Variants in ANKRD54 observed in about 807,000 individuals in gnomAD.
The protein encoded by ANKRD54 is ankyrin repeat domain-containing protein 54.
ANKRD54 carries 26 observed loss-of-function variants against 36.2 expected under a neutral mutation model. That is an observed-to-expected ratio of 0.72 (90% CI 0.53 to 1.00). ANKRD54 has a LOEUF of 1.00. Ranked by LOEUF, ANKRD54 falls within the 50% of genes least tolerant of loss-of-function variation. The pLI, the probability that ANKRD54 is intolerant of heterozygous loss-of-function variation, is 0.00. For synonymous variants in ANKRD54, 209 were observed against 188.4 expected, an observed-to-expected ratio of 1.11 and a Z score of -0.89; for missense variants, 384 against 424.3, an observed-to-expected ratio of 0.91 and a Z score of 0.83.
upstream of ANKRD54, among the ~76,000 whole-genome samples, chr22:37,845,344 T>C (rs1342549500): frequency 2.0e-5 from 3 of 152,138 alleles, no homozygotes; most frequent in Non-Finnish European, 2.9e-5. Flanking sequence ...AGGAAACAAA[T>C]AAGTGTTCCT....
rs550544171 is a variant in ANKRD54, at chr22:37,843,892, C to A, written c.328+19G>T. 1.4e-5 allele frequency: 17 copies of A among 1,214,210 alleles called. No individual in the cohort carries two copies. The South Asian group carries it at 3.4e-4, about 25-fold the overall frequency. 75.2% of individuals were successfully genotyped at this position (1,214,210 alleles called of 1,614,324 possible). ...CGGGCTGCCCCGCCCCGGGCCCCCG[C>A]GCCGCTCGCGCCGCTCACCGTGCAC... On this transcript the variant is annotated intron_variant, in intron 1 of 7. Coordinates refer to ENST00000215941, the MANE Select transcript of ANKRD54 (RefSeq NM_138797.4).
chr22:37,844,819 C>T (rs562217570), upstream of ANKRD54, among the ~76,000 whole-genome samples: 7 of 152,174 alleles, frequency 4.6e-5, no homozygotes, highest in South Asian at 6.2e-4. Flanking sequence ...GTGCCGGCCT[C>T]GGCCTCCCAA....
chr22:37,834,502 C>T (rs1046740731), intron 3 of ANKRD54: 2 of 151,558 alleles, frequency 1.3e-5, no homozygotes, highest in African/African-American at 4.9e-5. Context: ...CAAGACCAGC[C>T]TGGGCAACAT....
In ANKRD54 at chr22:37,831,758, T is replaced by C. The variant is rs1922904865; in HGVS notation, c.*185A>G. The C allele has an allele frequency of 1.7e-6, 1 of 592,184 alleles. No homozygotes were observed. Among genetic ancestry groups the C allele is most frequent in the Non-Finnish European group, 3.0e-6 (1 of 334,210 alleles). The allele number at this position is 592,184 out of a possible 1,614,324, so 36.7% of individuals were successfully genotyped here. A position where few individuals can be genotyped will look rare whatever the true frequency, so the allele number is the denominator to read the frequency against. On this transcript the variant is annotated 3_prime_UTR_variant, in exon 8 of 8. Coordinates refer to ENST00000215941, the MANE Select transcript of ANKRD54 (RefSeq NM_138797.4). ...CCCTGTCCACAGAGATGCTGGAAAC[T>C]GTGGCTGGGAGTGGCTCTGAGGCCG...
At position 37,838,051 on chromosome 22, in the gene ANKRD54, C is replaced by T. The variant is rs138107225; in HGVS notation, c.475+449G>A. ...TTGGGAGGCTGAGGCAGGAGAATGG[C>T]GTGAACCCGGGAGGCAGAGCTTACA... On this transcript the variant is annotated intron_variant, in intron 3 of 7. Transcript: ENST00000215941. 6.0e-3 allele frequency among the ~76,000 whole-genome samples: 906 copies of T among 151,912 alleles called. 6 individuals are homozygous for T. The highest frequency in any genetic ancestry group is 0.021 in the African/African-American group (871 of 41,438).
rs1569103880 is a variant in ANKRD54, at chr22:37,843,915, C to T, written c.324G>A (p.Val108=). The stretch of plus-strand genomic sequence containing the variant: ...CGCGCCGCTCGCGCCGCTCACCGTG[C>T]ACCTCCTTGCCCGTGGGCCCGAGCC... ...HRRLGPTGKE[V]HALKRLRDSA... is the part of the protein sequence containing the mutation. Residue 108 remains valine, a synonymous_variant, in exon 1 of 8, where the codon GTG becomes GTA. Transcript: ENST00000215941. 21 of 1,296,958 alleles carry T rather than the reference C, an allele frequency of 1.6e-5. No individual in the cohort carries two copies. The highest frequency in any genetic ancestry group is 2.0e-5 in the Non-Finnish European group (21 of 1,026,628). The allele number at this position is 1,296,958 out of a possible 1,614,324, so 80.3% of individuals were successfully genotyped here.
chr22:37,844,162 G>C lies in ANKRD54; in HGVS notation c.77C>G (p.Ala26Gly). The C allele has an allele frequency of 2.0e-6, 3 of 1,499,284 alleles. No homozygotes were observed. Among genetic ancestry groups the C allele is most frequent in the Non-Finnish European group, 1.8e-6 (2 of 1,131,634 alleles). The allele number at this position is 1,499,284 out of a possible 1,614,324, so 92.9% of individuals were successfully genotyped here. Residue 26 changes from alanine (A) to glycine (G), a missense_variant, in exon 1 of 8, where the codon GCG (alanine) becomes GGG (glycine). By Grantham distance (60) the Ala-to-Gly change is moderately conservative. Around this residue, in one of 3 missense-constraint regions of ANKRD54, gnomAD observed 195 missense variants for 177.7 expected, o/e 1.10. Coordinates refer to ENST00000215941, the MANE Select transcript of ANKRD54 (RefSeq NM_138797.4). ...HSSSEGECAV[A>G]PEPLTDAEGL... Reference sequence around the variant, plus strand: ...CTCAGCGTCAGTCAGCGGCTCCGGCGCCACCGCGCACTCGCCCTCCGAGCT... The same window carrying C: ...CTCAGCGTCAGTCAGCGGCTCCGGCCCCACCGCGCACTCGCCCTCCGAGCT...
At chr22:37,846,526 A>C (rs1924852859), upstream of ANKRD54, among the ~76,000 whole-genome samples, 1 of 152,030 alleles carries the variant, frequency 6.6e-6, no homozygotes, top group South Asian at 2.1e-4. Context: ...GCTGGTCTTG[A>C]ACTCCTCGCC....
At chr22:37,849,176 G>C, upstream of ANKRD54, 2 of 487,488 alleles carry the variant, frequency 4.1e-6, no homozygotes, top group Non-Finnish European at 7.4e-6. Flanking sequence ...AGTAGAGACG[G>C]GGTTTCTCCA....
intron 3 of ANKRD54, among the ~76,000 whole-genome samples, chr22:37,836,855 C>G (rs1329441636): frequency 1.3e-5 from 2 of 151,786 alleles, no homozygotes; most frequent in African/African-American, 4.8e-5. Flanking sequence ...ATGGTGAAAC[C>G]CTGTCTCTAC....
intron 3 of ANKRD54, chr22:37,833,957 A>T: frequency 1.8e-6 from 1 of 569,130 alleles, no homozygotes. Flanking sequence ...GGAACTGAGG[A>T]TTTGGGGAGG....
chr22:37,836,081 G>A (rs879676032), intron 3 of ANKRD54, among the ~76,000 whole-genome samples: 3 of 151,258 alleles, frequency 2.0e-5, no homozygotes, highest in South Asian at 2.1e-4. Flanking sequence ...TGATCCACCC[G>A]CCTCGGCCTC....
chr22:37,833,796 C>T (rs1461568395), intron 3 of ANKRD54, 41 bp from the exon 4 acceptor site: 1 of 1,597,384 alleles, frequency 6.3e-7, no homozygotes, highest in South Asian at 1.1e-5. Context: ...CGGAGGCTTC[C>T]ATTGCCTGCA....
At chr22:37,834,148 G>A in intron 3 of ANKRD54, 1 of 214,146 alleles carries the variant, frequency 4.7e-6, no homozygotes. Flanking sequence ...CTCCCTCCTG[G>A]CAGTCTTGGG....
chr22:37,840,515 C>T (rs1276440392), intron 1 of ANKRD54, among the ~76,000 whole-genome samples: 4 of 152,100 alleles, frequency 2.6e-5, no homozygotes, highest in South Asian at 4.1e-4. Context: ...GCAGAGATCG[C>T]GCCACTGCAC....
Position 37,833,152 on chromosome 22 carries a change from C to T in ANKRD54, c.595+7G>A. The T allele has an allele frequency of 6.2e-7, 1 of 1,613,868 alleles. No homozygotes were observed. Among genetic ancestry groups the T allele is most frequent in the East Asian group, 2.2e-5 (1 of 44,868 alleles). ...AAAGAGGACAGAGAGGGGAAGAAACCACATACCTCCTCGTAGCAGTGTGGT... is the reference window on the plus strand; with the variant it reads ...AAAGAGGACAGAGAGGGGAAGAAACTACATACCTCCTCGTAGCAGTGTGGT... On this transcript the variant is annotated splice_region_variant and intron_variant, in intron 5 of 7. Transcript: ENST00000215941.
chr22:37,847,722 C>T (rs759518670), upstream of ANKRD54: 1 of 433,934 alleles, frequency 2.3e-6, no homozygotes, highest in South Asian at 1.8e-5. Flanking sequence ...AAGGAAGAGA[C>T]TGTGACTCTT....
intron 4 of ANKRD54, among the ~76,000 whole-genome samples, chr22:37,833,427 T>G (rs1273204257): frequency 6.6e-6 from 1 of 152,136 alleles, no homozygotes; most frequent in Non-Finnish European, 1.5e-5. Flanking sequence ...TCTGCCTCAG[T>G]GTGAGCCACA....
chr22:37,842,849 C>T (rs766362708), intron 1 of ANKRD54, among the ~76,000 whole-genome samples: 1 of 152,236 alleles, frequency 6.6e-6, no homozygotes, highest in Non-Finnish European at 1.5e-5. Context: ...GTCACCCATG[C>T]ATTGTAGAAG....
Sources: allele counts gnomAD v4.1 joint callset (sites outside exome capture counted in the v4.1 genomes callset), GRCh38; gene constraint gnomAD v4.1.1; regional missense constraint gnomAD v4.1.1; transcripts MANE v1.5; gene names NCBI Gene and HGNC (gene_info 2026-07-23, HGNC 2026-07-21).